ALAD: variants seen among roughly 807,000 people sequenced by gnomAD.
The protein encoded by ALAD is aminolevulinate dehydratase.
A neutral mutation model predicts 44.4 loss-of-function variants in ALAD; 20 were observed. The ratio of observed to expected loss-of-function variants is 0.45; its 90% confidence interval spans 0.32 to 0.65. The LOEUF (loss-of-function observed/expected upper bound fraction) is 0.65, where lower values mean the gene tolerates loss of function less well. Among genes scored for constraint, ALAD ranks in the 30% least tolerant of loss-of-function variants. The pLI is 0.05. For missense variants in ALAD, 323 were observed against 445.7 expected (o/e 0.72, Z 2.48); for synonymous variants, 156 against 167.9 (o/e 0.93, Z 0.55).
At chr9:113,400,392 A>G (rs1588089489) in intron 1 of ALAD, among the ~76,000 whole-genome samples, 1 of 152,288 alleles carries the variant, frequency 6.6e-6, no homozygotes, top group East Asian at 1.9e-4. Flanking sequence ...TGGTAGCAGG[A>G]TGGTTAAGTA....
At chr9:113,392,745 C>T (rs1209299672) in intron 2 of ALAD, among the ~76,000 whole-genome samples, 1 of 151,390 alleles carries the variant, frequency 6.6e-6, no homozygotes, top group Non-Finnish European at 1.5e-5. Context: ...AGGTGCTTAG[C>T]ATAGTACCTG....
rs1407083842 is a variant in ALAD, at chr9:113,388,499, G to T, written c.932-138C>A. On this transcript the variant is annotated intron_variant, in intron 11 of 11. Coordinates refer to ENST00000409155, the MANE Select transcript of ALAD (RefSeq NM_000031.6). ...CTGTGGGCACACCACATGAGACGGAGCCCAGCTTTGGGAAACTCTATTTCT... is the reference window on the plus strand; with the variant it reads ...CTGTGGGCACACCACATGAGACGGATCCCAGCTTTGGGAAACTCTATTTCT... The T allele has an allele frequency of 2.0e-5, 16 of 784,570 alleles. 1 individual carries two copies. The highest frequency in any genetic ancestry group is 7.5e-5 in the East Asian group (3 of 39,904). 48.6% of individuals were successfully genotyped at this position (784,570 alleles called of 1,614,324 possible).
chr9:113,393,729 T>C (rs1827659393), intron 1 of ALAD, 95 bp from the exon 2 acceptor site: 1 of 619,632 alleles, frequency 1.6e-6, no homozygotes, highest in Non-Finnish European at 2.9e-6. Flanking sequence ...CTGCCTCCCC[T>C]CTCTCTAGCC....
chr9:113,393,389 TCCCCAACCCCAA>T, intron 2 of ALAD, 46 bp downstream of exon 2: 1 of 1,271,496 alleles, frequency 7.9e-7, no homozygotes, highest in Middle Eastern at 1.8e-4. Context: ...CAACACTCCC[TCCCCAACCCCAA>T]CCCCAACCAG....
intron 2 of ALAD, 180 bp from the exon 3 acceptor site, chr9:113,392,349 A>C: frequency 6.7e-7 from 1 of 1,499,580 alleles, no homozygotes; most frequent in Admixed American, 2.1e-5. Context: ...AAATAATAAT[A>C]GGAACAACAA....
chr9:113,397,195 C>G (rs1275326161), intron 1 of ALAD: 1 of 152,222 alleles, frequency 6.6e-6, no homozygotes, highest in Non-Finnish European at 1.5e-5. Flanking sequence ...ACCTTTGTAA[C>G]AGGTCCTTGG....
rs11789221 is a variant in ALAD at position 113,386,978 on chromosome 9, C to T, written c.*1322G>A. The T allele has an allele frequency of 5.6e-3, 857 of 152,410 alleles. 7 individuals carry two copies. Among genetic ancestry groups the T allele is most frequent in the Non-Finnish European group, 8.4e-3 (571 of 68,090 alleles). The allele number at this position is 152,410 out of a possible 1,614,324, so 9.4% of individuals were successfully genotyped here. ...CCCCTTTCTCCATCCCCACTGTCCC[C>T]GCTCCAGTCCATGCCATCAAGACTT... On this transcript the variant is annotated 3_prime_UTR_variant, in exon 12 of 12. Transcript: ENST00000409155.
In ALAD at chr9:113,388,140, T is replaced by C. The variant is rs1040181932; in HGVS notation, c.*160A>G. The C allele has an allele frequency of 1.6e-5, 12 of 741,858 alleles. No homozygotes were observed. The African/African-American group carries it at 2.1e-4, about 13-fold the overall frequency. The allele number at this position is 741,858 out of a possible 1,614,324, so 46.0% of individuals were successfully genotyped here. ...CAGCTGCGAGTTACAAGAGTTAGCA[T>C]GCTGGCAAAACCACCCAGGGCTGCT... On this transcript the variant is annotated 3_prime_UTR_variant, in exon 12 of 12. Coordinates refer to ENST00000409155, the MANE Select transcript of ALAD (RefSeq NM_000031.6).
chr9:113,392,815 CTTTTT>C (rs34148636), intron 2 of ALAD, among the ~76,000 whole-genome samples: 1 of 113,088 alleles, frequency 8.8e-6, no homozygotes, highest in African/African-American at 3.5e-5. Context: ...ATTGCCATCT[CTTTTT>C]TTTTTTTTTT....
chr9:113,394,925 C>T (rs745653972), intron 1 of ALAD, among the ~76,000 whole-genome samples: 38 of 151,988 alleles, frequency 2.5e-4, no homozygotes, highest in East Asian at 9.7e-4. Context: ...CGTGGTGGTG[C>T]GTGCCTGTAA....
rs749260844 is a variant in ALAD at position 113,388,301 on chromosome 9, C to T, written c.992G>A (p.Ter331=). The part of the protein sequence containing the change: ...PQLLQWLKEE[*] ...TTCTTGGGCCTGGCACTGTCTCCAT[C>T]ATTCCTCCTTCAGCCACTGCAGCAG... Residue 331 remains the stop codon, a stop_retained_variant, in exon 12 of 12, where the codon TGA becomes TAA. Transcript: ENST00000409155. 49 of 1,614,046 alleles carry T rather than the reference C, an allele frequency of 3.0e-5. No homozygotes were observed. The highest frequency in any genetic ancestry group is 3.6e-5 in the Non-Finnish European group (43 of 1,180,032).
intron 1 of ALAD, chr9:113,396,618 G>A (rs1301257031): frequency 6.5e-6 from 1 of 153,310 alleles, no homozygotes. Context: ...TTTCTGAGCA[G>A]TGGGTAGGGT....
At chr9:113,388,460 TGAA>T in intron 11 of ALAD, 99 bp from the exon 12 acceptor site, 1 of 1,126,276 alleles carries the variant, frequency 8.9e-7, no homozygotes, top group Non-Finnish European at 1.4e-6. Context: ...AAGGCTACCA[TGAA>T]GAAGCACAGC....
chr9:113,392,051 C>T lies in ALAD; in HGVS notation c.164+68G>A, dbSNP rs553610186. The T allele has an allele frequency of 5.9e-5, 85 of 1,437,758 alleles. No individual in the cohort carries two copies. In the African/African-American group the frequency reaches 1.0e-3, roughly 17 times the overall value. The allele number at this position is 1,437,758 out of a possible 1,614,324, so 89.1% of individuals were successfully genotyped here. ...CTACTTCCTAGGTCTGCTTCTGCCT[C>T]CCAGCACTTCCACCTGTGGAATCTC... On this transcript the variant is annotated intron_variant, in intron 3 of 11. Coordinates refer to ENST00000409155, the MANE Select transcript of ALAD (RefSeq NM_000031.6).
chr9:113,392,281 G>C, intron 2 of ALAD, 112 bp from the exon 3 acceptor site: 2 of 1,593,966 alleles, frequency 1.3e-6, no homozygotes, highest in South Asian at 2.2e-5. Flanking sequence ...AGTGGAGATG[G>C]TGGGAGGAGG....
chr9:113,391,746 C>A, intron 3 of ALAD, 123 bp from the exon 4 acceptor site: 1 of 793,348 alleles, frequency 1.3e-6, no homozygotes, highest in East Asian at 2.7e-5. Context: ...AGGGCTCAAG[C>A]CCCCAGGACA....
intron 2 of ALAD, chr9:113,392,480 C>G: frequency 1.9e-6 from 1 of 532,398 alleles, no homozygotes; most frequent in Admixed American, 4.1e-5. Flanking sequence ...CAGCCACTTA[C>G]TGCCTGGGTG....
Position 113,389,296 on chromosome 9 carries a change from A to C in ALAD, c.801+142T>G, listed in dbSNP as rs577073273. On this transcript the variant is annotated intron_variant, in intron 10 of 11. Coordinates refer to ENST00000409155, the MANE Select transcript of ALAD (RefSeq NM_000031.6). ...AGGCTCGTGCAAGCCCCGACATAGA[A>C]GGCCACGATGGTTCCTGGGCAGGGA... The C allele has an allele frequency of 3.8e-5, 50 of 1,311,662 alleles. No individual in the cohort carries two copies. The African/African-American group carries it at 6.7e-4, about 18-fold the overall frequency. The allele number at this position is 1,311,662 out of a possible 1,614,324, so 81.3% of individuals were successfully genotyped here. A position where few individuals can be genotyped will look rare whatever the true frequency, so the allele number is the denominator to read the frequency against.
chr9:113,398,971 C>A (rs906810426), intron 1 of ALAD, among the ~76,000 whole-genome samples: 2 of 152,154 alleles, frequency 1.3e-5, no homozygotes, highest in African/African-American at 4.8e-5. Context: ...ATCAAGCGAG[C>A]TTGCAAACCA....
Sources: allele counts gnomAD v4.1 joint callset (sites outside exome capture counted in the v4.1 genomes callset), GRCh38; gene constraint gnomAD v4.1.1; transcripts MANE v1.5; gene names NCBI Gene and HGNC (gene_info 2026-07-23, HGNC 2026-07-21).